Variants in PRKN observed in about 807,000 individuals in gnomAD.
PRKN encodes parkin RBR E3 ubiquitin protein ligase.
PRKN carries 56 observed loss-of-function variants against 59.5 expected under a neutral mutation model. The observed-to-expected ratio is 0.94, with a 90% CI of 0.76 to 1.18. The LOEUF is 1.18. Ranked by LOEUF, PRKN falls within the 50% of genes most tolerant of loss-of-function variation. The pLI is 0.00. For synonymous variants in PRKN, 250 were observed against 222.1 expected (o/e 1.13, Z -1.12); for missense variants, 657 against 596.4 (o/e 1.10, Z -1.06).
chr6:161,717,407 C>T (rs1387339737), intron 7 of PRKN, among the ~76,000 whole-genome samples: 1 of 152,052 alleles, frequency 6.6e-6, no homozygotes, highest in African/African-American at 2.4e-5. Context: ...AACTTTACAC[C>T]ATAATAAGTG....
At chr6:162,562,639 A>C (rs1194036898) in intron 1 of PRKN, among the ~76,000 whole-genome samples, 1 of 152,148 alleles carries the variant, frequency 6.6e-6, no homozygotes, top group East Asian at 1.9e-4. Flanking sequence ...AAAACTGGGA[A>C]GGACTGTATT....
intron 9 of PRKN, among the ~76,000 whole-genome samples, chr6:161,500,720 T>C (rs1346307586): frequency 6.6e-6 from 1 of 152,210 alleles, no homozygotes; most frequent in Non-Finnish European, 1.5e-5. Context: ...ACACCTTGGT[T>C]GCTTCCCAGA....
chr6:161,474,748 T>C (rs151134347), intron 9 of PRKN, among the ~76,000 whole-genome samples: 1,474 of 140,670 alleles, frequency 0.01, 20 homozygotes, highest in Middle Eastern at 0.032. Flanking sequence ...GCACTCGCCA[T>C]CATGCCTGGC....
intron 3 of PRKN, among the ~76,000 whole-genome samples, chr6:162,246,419 T>C (rs1221048371): frequency 2.6e-5 from 4 of 152,058 alleles, no homozygotes; most frequent in South Asian, 2.1e-4. Flanking sequence ...CCACAAAAAA[T>C]AGATTTTGGT....
At chr6:161,670,587 G>A (rs971034556) in intron 7 of PRKN, among the ~76,000 whole-genome samples, 27 of 152,256 alleles carry the variant, frequency 1.8e-4, no homozygotes, top group African/African-American at 5.5e-4. Flanking sequence ...AGGCCGAGGC[G>A]GGTGGATCAT....
At chr6:162,091,378 T>G in intron 4 of PRKN, among the ~76,000 whole-genome samples, 1 of 152,146 alleles carries the variant, frequency 6.6e-6, no homozygotes, top group East Asian at 1.9e-4. Context: ...TCCCATTTGG[T>G]TTAAAGAGGC....
intron 4 of PRKN, among the ~76,000 whole-genome samples, chr6:162,080,231 T>A (rs982138134): frequency 1.3e-5 from 2 of 152,152 alleles, no homozygotes; most frequent in Admixed American, 6.5e-5. Context: ...TATTTATATA[T>A]GAAATTGTAC....
intron 1 of PRKN, among the ~76,000 whole-genome samples, chr6:162,718,940 C>CCA (rs1778829258): frequency 6.6e-6 from 1 of 151,840 alleles, no homozygotes; most frequent in African/African-American, 2.4e-5. Context: ...ACGGCAGATG[C>CCA]CACACACACA....
chr6:162,191,524 C>A (rs1232503808), intron 4 of PRKN, among the ~76,000 whole-genome samples: 2 of 152,298 alleles, frequency 1.3e-5, no homozygotes, highest in African/African-American at 2.4e-5. Context: ...CTCACTGAAA[C>A]CTCTGCCTCC....
Position 161,469,543 on chromosome 6 carries a change from GAGAA to G in PRKN, c.1083+79307_1083+79310del, listed in dbSNP as rs767389337. Among the ~76,000 whole-genome samples the G allele has an allele frequency of 3.7e-3, 545 of 146,266 alleles. 2 individuals carry two copies. Among genetic ancestry groups the G allele is most frequent in the African/African-American group, 0.014 (519 of 36,270 alleles). On this transcript the variant is annotated intron_variant, in intron 9 of 11. Coordinates refer to ENST00000366898, the MANE Select transcript of PRKN (RefSeq NM_004562.3). ...CTATCCAGGTGGGTCCAGTGAACAAGAGAAAGAGAGAGAGAGAGAGAGAGAGAGA... is the reference window on the plus strand; with the variant it reads ...CTATCCAGGTGGGTCCAGTGAACAAGAGAGAGAGAGAGAGAGAGAGAGAGA...
intron 4 of PRKN, among the ~76,000 whole-genome samples, chr6:162,088,117 T>G (rs1779331188): frequency 6.6e-6 from 1 of 152,112 alleles, no homozygotes; most frequent in Non-Finnish European, 1.5e-5. Context: ...GGGCACAATA[T>G]TATCCACAGT....
chr6:162,402,629 T>G (rs1016311513), intron 2 of PRKN, among the ~76,000 whole-genome samples: 7 of 151,108 alleles, frequency 4.6e-5, no homozygotes, highest in Non-Finnish European at 8.8e-5. Flanking sequence ...GTGTCTTTCC[T>G]TGTCATATAT....
chr6:161,425,063 CCCAATGTT>C (rs1788269017), intron 9 of PRKN, among the ~76,000 whole-genome samples: 1 of 151,914 alleles, frequency 6.6e-6, no homozygotes, highest in African/African-American at 2.4e-5. Context: ...GTGTGGAGAA[CCCAATGTT>C]TATTGAGTGC....
At chr6:161,694,431 T>A (rs185414054) in intron 7 of PRKN, among the ~76,000 whole-genome samples, 2 of 152,292 alleles carry the variant, frequency 1.3e-5, no homozygotes, top group East Asian at 1.9e-4. Context: ...GGTTTTTTTT[T>A]AAGCAATTAG....
At chr6:161,792,333 T>C (rs137941356) in intron 6 of PRKN, among the ~76,000 whole-genome samples, 1 of 152,126 alleles carries the variant, frequency 6.6e-6, no homozygotes, top group African/African-American at 2.4e-5. Flanking sequence ...AATTCATGAA[T>C]GTAGGGGCAT....
intron 6 of PRKN, among the ~76,000 whole-genome samples, chr6:161,829,205 G>A (rs368732749): frequency 3.3e-5 from 5 of 152,260 alleles, no homozygotes; most frequent in African/African-American, 1.2e-4. Flanking sequence ...CAGTCTGGGT[G>A]ACAGAGCCAG....
intron 7 of PRKN, among the ~76,000 whole-genome samples, chr6:161,611,761 C>T (rs561517964): frequency 6.6e-6 from 1 of 152,306 alleles, no homozygotes; most frequent in East Asian, 1.9e-4. Context: ...AGTCACACAA[C>T]TTCTACTTTA....
chr6:161,763,677 C>A (rs537240632), intron 7 of PRKN, among the ~76,000 whole-genome samples: 2 of 152,170 alleles, frequency 1.3e-5, no homozygotes, highest in South Asian at 2.1e-4. Flanking sequence ...CACTCACCAG[C>A]CCCTTTCCCC....
At chr6:161,511,226 G>A (rs1211151594) in intron 9 of PRKN, among the ~76,000 whole-genome samples, 1 of 152,196 alleles carries the variant, frequency 6.6e-6, no homozygotes, top group Non-Finnish European at 1.5e-5. Context: ...TTAAATCACG[G>A]CACTGCAGGA....
Sources: gnomAD v4.1 joint callset for allele counts (sites outside exome capture counted in the v4.1 genomes callset) on GRCh38, gnomAD v4.1.1 for gene constraint, MANE v1.5 for transcripts, NCBI Gene and HGNC (gene_info 2026-07-23, HGNC 2026-07-21) for gene names.